The following PAM variants were observed in gnomAD, a reference collection of about 807,000 sequenced individuals.
PAM encodes peptidylglycine alpha-amidating monooxygenase.
In PAM, 72 loss-of-function variants were observed where a neutral mutation model predicts 122.1. The ratio of observed to expected loss-of-function variants is 0.59; its 90% CI spans 0.49 to 0.72. The LOEUF (loss-of-function observed/expected upper bound fraction) is 0.72. Ranked by LOEUF, PAM falls within the 30% of genes least tolerant of loss-of-function variation. PAM has a pLI of 0.00. For synonymous variants in PAM, 389 were observed against 404.4 expected, an observed-to-expected ratio of 0.96 and a Z score of 0.46; for missense variants, 1,106 against 1,183.7, an observed-to-expected ratio of 0.93 and a Z score of 0.96.
In PAM at chr5:102,836,000, A is replaced by G. The variant is rs181579440; in HGVS notation, c.-373-29823A>G. ...TACCTTTCTAGTCAAAGGGAATAAT[A>G]TATCACTTGAATTGCGTTCTCGAAT... On this transcript the variant is annotated intron_variant, in intron 1 of 25. Coordinates refer to ENST00000438793, the MANE Select transcript of PAM (RefSeq NM_001177306.2). 9.9e-5 allele frequency among the ~76,000 whole-genome samples: 15 copies of G among 152,278 alleles called. No individual in the cohort carries two copies. The East Asian group carries it at 2.7e-3, about 28-fold the overall frequency.
At chr5:102,938,386 A>G (rs1168910811) in intron 7 of PAM, among the ~76,000 whole-genome samples, 2 of 152,192 alleles carry the variant, frequency 1.3e-5, no homozygotes, top group African/African-American at 4.8e-5. Context: ...GTAAAGCACT[A>G]CAGTTATACT....
chr5:102,844,513 A>T (rs1779473337), intron 1 of PAM, among the ~76,000 whole-genome samples: 1 of 152,070 alleles, frequency 6.6e-6, no homozygotes, highest in African/African-American at 2.4e-5. Context: ...ACAAAAAATT[A>T]AAAAATCAGC....
At chr5:102,848,021 T>A (rs1780372950) in intron 1 of PAM, among the ~76,000 whole-genome samples, 1 of 152,224 alleles carries the variant, frequency 6.6e-6, no homozygotes. Flanking sequence ...AACCTGTTCT[T>A]CATGCTGGGA....
At chr5:102,812,016 A>G (rs1768076466) in intron 1 of PAM, among the ~76,000 whole-genome samples, 1 of 152,190 alleles carries the variant, frequency 6.6e-6, no homozygotes, top group Admixed American at 6.5e-5. Context: ...CTCCTATGTG[A>G]ATCAGCTGGG....
chr5:102,904,438 A>T (rs1798931246), intron 4 of PAM, among the ~76,000 whole-genome samples: 1 of 151,558 alleles, frequency 6.6e-6, no homozygotes, highest in African/African-American at 2.4e-5. Context: ...TGAATACTAA[A>T]TAAGGATTTT....
At chr5:102,959,000 A>G (rs1009690047) in intron 12 of PAM, among the ~76,000 whole-genome samples, 1 of 152,144 alleles carries the variant, frequency 6.6e-6, no homozygotes, top group Non-Finnish European at 1.5e-5. Context: ...GTGTACTTAA[A>G]TGGTTCCTTC....
chr5:102,870,780 G>C (rs1787171257), intron 3 of PAM, among the ~76,000 whole-genome samples: 1 of 152,124 alleles, frequency 6.6e-6, no homozygotes, highest in African/African-American at 2.4e-5. Context: ...GTCAGGATCT[G>C]GTGTTCCATG....
intron 21 of PAM, 85 bp downstream of exon 21, chr5:103,009,951 G>T: frequency 1.8e-6 from 1 of 550,870 alleles, no homozygotes; most frequent in Admixed American, 3.6e-5. Context: ...TACTTGAATA[G>T]CTTTAGAAAA....
intron 3 of PAM, among the ~76,000 whole-genome samples, chr5:102,894,782 G>A (rs2151314498): frequency 6.6e-6 from 1 of 151,810 alleles, no homozygotes; most frequent in African/African-American, 2.4e-5. Context: ...ATGCAAGCCA[G>A]AAATCCAGGA....
intron 7 of PAM, among the ~76,000 whole-genome samples, chr5:102,929,370 C>T (rs1750660599): frequency 6.6e-6 from 1 of 152,016 alleles, no homozygotes; most frequent in South Asian, 2.1e-4. Flanking sequence ...ATAAAAAATG[C>T]ATTAAATATT....
At chr5:102,844,800 G>T (rs1230035813) in intron 1 of PAM, among the ~76,000 whole-genome samples, 3 of 152,320 alleles carry the variant, frequency 2.0e-5, no homozygotes, top group South Asian at 2.1e-4. Context: ...GAGTAGCAGA[G>T]CTTAGATATA....
intron 4 of PAM, among the ~76,000 whole-genome samples, chr5:102,905,806 A>G (rs1799361262): frequency 6.6e-6 from 1 of 151,668 alleles, no homozygotes; most frequent in African/African-American, 2.4e-5. Flanking sequence ...TTCTGTCTTC[A>G]ACTAGGACTT....
At chr5:102,958,777 TC>T (rs2150200943) in intron 12 of PAM, among the ~76,000 whole-genome samples, 1 of 152,280 alleles carries the variant, frequency 6.6e-6, no homozygotes, top group African/African-American at 2.4e-5. Context: ...TTTTTTTCCT[TC>T]CCTTGCTGAT....
intron 1 of PAM, among the ~76,000 whole-genome samples, chr5:102,755,794 G>C (rs1394702798): frequency 6.6e-6 from 1 of 152,074 alleles, no homozygotes. Context: ...CTTCAGTCTA[G>C]TTTGGGGAAG....
chr5:102,779,918 T>TATACACAC (rs147065045), intron 1 of PAM, among the ~76,000 whole-genome samples: 47 of 95,666 alleles, frequency 4.9e-4, no homozygotes, highest in African/African-American at 2.1e-3. Flanking sequence ...TATATATATA[T>TATACACAC]ACACACATAT....
chr5:102,995,228 G>A (rs565750337), intron 16 of PAM, among the ~76,000 whole-genome samples: 1 of 152,108 alleles, frequency 6.6e-6, no homozygotes, highest in African/African-American at 2.4e-5. Flanking sequence ...GTACCATCAT[G>A]TCTGAGGGAA....
intron 1 of PAM, among the ~76,000 whole-genome samples, chr5:102,766,814 G>A (rs556022758): frequency 9.3e-5 from 14 of 150,802 alleles, no homozygotes; most frequent in Non-Finnish European, 1.8e-4. Context: ...AATTTTAATA[G>A]TACATTCAGT....
chr5:102,768,087 C>T (rs1190112016), intron 1 of PAM, among the ~76,000 whole-genome samples: 1 of 152,102 alleles, frequency 6.6e-6, no homozygotes. Context: ...ATGACAGTGA[C>T]AAAGAATACT....
intron 16 of PAM, among the ~76,000 whole-genome samples, chr5:103,000,349 C>A (rs1307328311): frequency 6.6e-6 from 1 of 152,168 alleles, no homozygotes; most frequent in Non-Finnish European, 1.5e-5. Flanking sequence ...CCAGCCTGGA[C>A]TTCATTGTTC....
Sources: allele counts gnomAD v4.1 joint callset (sites outside exome capture counted in the v4.1 genomes callset), GRCh38; gene constraint gnomAD v4.1.1; transcripts MANE v1.5; gene names NCBI Gene and HGNC (gene_info 2026-07-23, HGNC 2026-07-21).